Variants in ZBTB20 observed in about 807,000 individuals in gnomAD.
ZBTB20 encodes the protein zinc finger and BTB domain-containing protein 20.
A neutral mutation model predicts 56.9 loss-of-function variants in ZBTB20; 9 were observed. The observed-to-expected ratio is 0.16, with a 90% confidence interval of 0.10 to 0.28. The LOEUF is 0.28. Among genes scored for constraint, ZBTB20 ranks in the 10% least tolerant of loss-of-function variants. ZBTB20 has a pLI of 1.00. For missense variants in ZBTB20, 655 were observed against 1,003.0 expected (o/e 0.65, Z 4.69); for synonymous variants, 417 against 420.7 (o/e 0.99, Z 0.11).
At chr3:114,813,752 A>G (rs1230100642) in intron 4 of ZBTB20, among the ~76,000 whole-genome samples, 2 of 152,336 alleles carry the variant, frequency 1.3e-5, no homozygotes, top group East Asian at 3.9e-4. Flanking sequence ...CCCCATCTCA[A>G]ATAATAACAA....
intron 10 of ZBTB20, among the ~76,000 whole-genome samples, chr3:114,361,849 A>C (rs1403838109): frequency 6.6e-6 from 1 of 152,186 alleles, no homozygotes; most frequent in Non-Finnish European, 1.5e-5. Context: ...TTTGAGAGGA[A>C]CAGTGATCAT....
intron 6 of ZBTB20, among the ~76,000 whole-genome samples, chr3:114,574,027 T>C (rs1294672989): frequency 6.6e-6 from 1 of 152,160 alleles, no homozygotes; most frequent in Non-Finnish European, 1.5e-5. Flanking sequence ...TTTAGGTATA[T>C]ATATTTATTT....
At chr3:114,533,998 T>G (rs942555784) in intron 6 of ZBTB20, among the ~76,000 whole-genome samples, 2 of 151,836 alleles carry the variant, frequency 1.3e-5, no homozygotes, top group African/African-American at 4.8e-5. Context: ...GCACTAAATA[T>G]GGAAAGGAAA....
intron 6 of ZBTB20, among the ~76,000 whole-genome samples, chr3:114,610,205 T>G (rs1004272434): frequency 1.3e-5 from 2 of 152,156 alleles, no homozygotes; most frequent in Non-Finnish European, 2.9e-5. Context: ...CAGAGATCTG[T>G]TGGCAAGTAC....
At chr3:114,931,587 A>C in intron 3 of ZBTB20, 1 of 153,738 alleles carries the variant, frequency 6.5e-6, no homozygotes. Context: ...TTGCCCATTG[A>C]TCAGAAACCA....
At chr3:114,919,959 G>A (rs1302172146) in intron 3 of ZBTB20, among the ~76,000 whole-genome samples, 2 of 152,080 alleles carry the variant, frequency 1.3e-5, no homozygotes, top group Non-Finnish European at 2.9e-5. Flanking sequence ...ATAACCAAAA[G>A]AGAATAGGAG....
intron 2 of ZBTB20, among the ~76,000 whole-genome samples, chr3:115,028,567 A>G (rs141548582): frequency 4.6e-5 from 7 of 150,652 alleles, no homozygotes; most frequent in Admixed American, 2.0e-4. Context: ...TTGTATTCCT[A>G]TTAGTATTAA....
At chr3:114,431,506 A>T (rs911907853) in intron 7 of ZBTB20, among the ~76,000 whole-genome samples, 6 of 152,340 alleles carry the variant, frequency 3.9e-5, no homozygotes, top group East Asian at 1.9e-4. Context: ...ATGATTCATT[A>T]TGTTAAAGTT....
chr3:114,678,619 A>G (rs376656272), intron 6 of ZBTB20, among the ~76,000 whole-genome samples: 2 of 152,214 alleles, frequency 1.3e-5, no homozygotes, highest in Non-Finnish European at 2.9e-5. Context: ...TATTAAGCTG[A>G]TAATTTCAAA....
chr3:114,567,304 G>T (rs1171414796), intron 6 of ZBTB20, among the ~76,000 whole-genome samples: 43 of 152,178 alleles, frequency 2.8e-4, no homozygotes, highest in Admixed American at 2.8e-3. Flanking sequence ...GAAAAAAATT[G>T]CAGTGAAATC....
intron 5 of ZBTB20, among the ~76,000 whole-genome samples, chr3:114,756,372 T>A (rs1356972508): frequency 2.0e-5 from 3 of 152,170 alleles, no homozygotes; most frequent in Non-Finnish European, 2.9e-5. Flanking sequence ...GACATAGGTA[T>A]TTTCAGCCCC....
intron 6 of ZBTB20, among the ~76,000 whole-genome samples, chr3:114,692,504 G>A (rs1029666907): frequency 5.3e-5 from 8 of 152,098 alleles, no homozygotes; most frequent in Non-Finnish European, 8.8e-5. Context: ...CATATAAAGC[G>A]AAGTCAAGAG....
chr3:114,718,228 T>G (rs949467809), intron 5 of ZBTB20, among the ~76,000 whole-genome samples: 1 of 152,186 alleles, frequency 6.6e-6, no homozygotes, highest in Non-Finnish European at 1.5e-5. Context: ...CTTCAAACAC[T>G]TGTTCTTTGA....
intron 2 of ZBTB20, among the ~76,000 whole-genome samples, chr3:115,024,720 T>A (rs914118470): frequency 1.3e-5 from 2 of 151,026 alleles, no homozygotes; most frequent in African/African-American, 2.4e-5. Context: ...AAAACTTTCC[T>A]CATACACTTC....
chr3:115,104,399 T>C (rs567269020), intron 1 of ZBTB20, among the ~76,000 whole-genome samples: 12 of 152,308 alleles, frequency 7.9e-5, no homozygotes, highest in Middle Eastern at 3.4e-3. Flanking sequence ...ACACAGATGT[T>C]TACAGTAATT....
chr3:114,547,875 A>T (rs2110165357), intron 6 of ZBTB20, among the ~76,000 whole-genome samples: 1 of 152,296 alleles, frequency 6.6e-6, no homozygotes, highest in South Asian at 2.1e-4. Flanking sequence ...GTGTATTTTC[A>T]TTTTTATATT....
At chr3:114,841,250 T>A (rs1284357231) in intron 4 of ZBTB20, among the ~76,000 whole-genome samples, 2 of 152,208 alleles carry the variant, frequency 1.3e-5, no homozygotes, top group Non-Finnish European at 2.9e-5. Context: ...CTTGCAAGAT[T>A]GGTTTTATGT....
chr3:114,921,185 T>C (rs1173476445), intron 3 of ZBTB20, among the ~76,000 whole-genome samples: 2 of 152,122 alleles, frequency 1.3e-5, no homozygotes. Flanking sequence ...TGCAATGGTG[T>C]GACCTTGGCT....
chr3:114,863,683 A>C (rs552336696), intron 4 of ZBTB20, among the ~76,000 whole-genome samples: 99 of 152,138 alleles, frequency 6.5e-4, no homozygotes, highest in African/African-American at 2.3e-3. Context: ...TACATATCTG[A>C]ATTTATTTTA....
Sources: allele counts gnomAD v4.1 joint callset (sites outside exome capture counted in the v4.1 genomes callset), GRCh38; gene constraint gnomAD v4.1.1; transcripts MANE v1.5; gene names NCBI Gene and HGNC (gene_info 2026-07-23, HGNC 2026-07-21).